Variants in NAALADL2 observed in about 807,000 individuals in gnomAD.
NAALADL2 encodes inactive N-acetylated-alpha-linked acidic dipeptidase-like protein 2.
NAALADL2 carries 76 observed loss-of-function variants against 87.2 expected under a neutral mutation model. The ratio of observed to expected loss-of-function variants is 0.87; its 90% CI spans 0.72 to 1.05. The LOEUF (loss-of-function observed/expected upper bound fraction) is 1.05, where lower values mean the gene tolerates loss of function less well. Among genes scored for constraint, NAALADL2 ranks in the 50% least tolerant of loss-of-function variants. NAALADL2 has a pLI of 0.00. For synonymous variants in NAALADL2, 354 were observed against 331.0 expected (o/e 1.07, Z -0.75); for missense variants, 1,089 against 945.8 (o/e 1.15, Z -1.99).
At chr3:175,304,716 A>G (rs901530354) in intron 4 of NAALADL2, among the ~76,000 whole-genome samples, 1 of 152,314 alleles carries the variant, frequency 6.6e-6, no homozygotes, top group South Asian at 2.1e-4. Context: ...TATTTAGTTT[A>G]TCCAGATGCT....
chr3:175,007,782 AAATT>A (rs1749233816), intron 1 of NAALADL2, among the ~76,000 whole-genome samples: 1 of 152,152 alleles, frequency 6.6e-6, no homozygotes, highest in Admixed American at 6.6e-5. Flanking sequence ...TTTAATTTAT[AAATT>A]AGGCATAGAA....
intron 1 of NAALADL2, among the ~76,000 whole-genome samples, chr3:174,526,922 C>T (rs937811145): frequency 6.6e-6 from 1 of 152,036 alleles, no homozygotes; most frequent in Non-Finnish European, 1.5e-5. Flanking sequence ...AGTGATCCAT[C>T]TGTCTCGCCT....
chr3:175,250,253 CTG>C (rs147841608), intron 3 of NAALADL2, among the ~76,000 whole-genome samples: 6,510 of 146,060 alleles, frequency 0.045, 189 homozygotes, highest in African/African-American at 0.079. Context: ...CTCACTTTTT[CTG>C]TGTGTGTGTG....
At chr3:175,691,991 A>G (rs1737112844) in intron 11 of NAALADL2, among the ~76,000 whole-genome samples, 1 of 152,090 alleles carries the variant, frequency 6.6e-6, no homozygotes, top group Admixed American at 6.6e-5. Context: ...ATGCTGCTAA[A>G]GTCTTTCATC....
At chr3:174,816,766 G>A (rs1039140473) in intron 3 of NAALADL2, among the ~76,000 whole-genome samples, 5 of 151,908 alleles carry the variant, frequency 3.3e-5, no homozygotes, top group Admixed American at 1.3e-4. Context: ...TCTTATTCAA[G>A]TTTCTTGAGC....
chr3:175,333,708 G>T (rs568178425), intron 5 of NAALADL2, among the ~76,000 whole-genome samples: 150 of 151,752 alleles, frequency 9.9e-4, no homozygotes, highest in African/African-American at 3.3e-3. Context: ...AAGAGAGGTT[G>T]GTCAGTTGGT....
At chr3:175,227,541 C>CT (rs1452119818) in intron 2 of NAALADL2, among the ~76,000 whole-genome samples, 2 of 151,940 alleles carry the variant, frequency 1.3e-5, no homozygotes, top group Admixed American at 6.6e-5. Context: ...AATTAGTAAA[C>CT]TTAGATTATA....
rs767405169 is a variant in NAALADL2, at chr3:175,352,388, G to A, written c.1090+28063G>A. On this transcript the variant is annotated intron_variant, in intron 5 of 13. Transcript: ENST00000454872. ...ACTCTTTATTTACACAAAGGGATCC[G>A]AATGTACTGTGTACTGAGACCTCAT... Among the ~76,000 whole-genome samples the A allele has an allele frequency of 6.8e-4, 103 of 152,096 alleles. 1 individual carries two copies. Among genetic ancestry groups the A allele is most frequent in the African/African-American group, 3.9e-4 (16 of 41,430 alleles).
chr3:174,820,204 C>T (rs1309746024), intron 3 of NAALADL2, among the ~76,000 whole-genome samples: 2 of 152,126 alleles, frequency 1.3e-5, no homozygotes, highest in Non-Finnish European at 2.9e-5. Flanking sequence ...AATATGAATA[C>T]ATCCTAAGAG....
intron 9 of NAALADL2, among the ~76,000 whole-genome samples, chr3:175,477,648 G>A (rs957152536): frequency 6.6e-6 from 1 of 151,954 alleles, no homozygotes; most frequent in East Asian, 1.9e-4. Flanking sequence ...ACTTCTATCT[G>A]CTACTGGATT....
intron 3 of NAALADL2, among the ~76,000 whole-genome samples, chr3:174,763,498 A>T: frequency 6.7e-6 from 1 of 149,186 alleles, no homozygotes; most frequent in Non-Finnish European, 1.5e-5. Flanking sequence ...GAGGCAGGAG[A>T]ATCGCTTGAA....
chr3:174,904,224 T>G (rs1326278479), intron 1 of NAALADL2, among the ~76,000 whole-genome samples: 1 of 151,762 alleles, frequency 6.6e-6, no homozygotes, highest in Non-Finnish European at 1.5e-5. Flanking sequence ...AGAGCCAAAA[T>G]CTGGACTCAG....
At chr3:174,621,961 G>C (rs1721053876) in intron 2 of NAALADL2, among the ~76,000 whole-genome samples, 1 of 152,058 alleles carries the variant, frequency 6.6e-6, no homozygotes, top group South Asian at 2.1e-4. Flanking sequence ...CCCTAACAAA[G>C]GACTCTCAAG....
chr3:174,866,765 C>T (rs928879794), intron 1 of NAALADL2, among the ~76,000 whole-genome samples: 10 of 151,348 alleles, frequency 6.6e-5, no homozygotes, highest in Admixed American at 5.3e-4. Context: ...ATGATGTTGC[C>T]TAGAAGTTAT....
At chr3:174,527,962 A>T (rs922820050) in intron 1 of NAALADL2, among the ~76,000 whole-genome samples, 1 of 152,170 alleles carries the variant, frequency 6.6e-6, no homozygotes, top group East Asian at 1.9e-4. Flanking sequence ...TTGGTTAATA[A>T]AGTTTTACTG....
At chr3:175,567,399 T>G (rs1242822353) in intron 9 of NAALADL2, among the ~76,000 whole-genome samples, 1 of 152,068 alleles carries the variant, frequency 6.6e-6, no homozygotes, top group Non-Finnish European at 1.5e-5. Flanking sequence ...TCTTAGAGAT[T>G]GATCCTTAAA....
chr3:175,793,355 C>A (rs1378402825), intron 13 of NAALADL2, among the ~76,000 whole-genome samples: 1 of 143,104 alleles, frequency 7.0e-6, no homozygotes, highest in African/African-American at 2.6e-5. Context: ...GTCGCCTGGG[C>A]TGGAGTGTAG....
chr3:175,142,532 G>A (rs1730150209), intron 2 of NAALADL2, among the ~76,000 whole-genome samples: 1 of 151,938 alleles, frequency 6.6e-6, no homozygotes, highest in Non-Finnish European at 1.5e-5. Flanking sequence ...AGCTCCTAAA[G>A]AGCAGGACTC....
intron 1 of NAALADL2, among the ~76,000 whole-genome samples, chr3:175,012,562 A>G (rs745935533): frequency 6.6e-6 from 1 of 152,172 alleles, no homozygotes; most frequent in African/African-American, 2.4e-5. Flanking sequence ...TTTTGATATT[A>G]ACGTGTTACG....
Sources: gnomAD v4.1 joint callset for allele counts (sites outside exome capture counted in the v4.1 genomes callset) on GRCh38, gnomAD v4.1.1 for gene constraint, MANE v1.5 for transcripts, NCBI Gene and HGNC (gene_info 2026-07-23, HGNC 2026-07-21) for gene names.